Variants in ZHX2 observed in about 807,000 individuals in gnomAD.
ZHX2 encodes zinc fingers and homeoboxes protein 2.
ZHX2 carries 6 observed loss-of-function variants against 21.9 expected under a neutral mutation model. The observed-to-expected ratio is 0.27, with a 90% CI of 0.15 to 0.54. The LOEUF (loss-of-function observed/expected upper bound fraction) is 0.54. Among genes scored for constraint, ZHX2 ranks in the 20% least tolerant of loss-of-function variants. The pLI, the probability that ZHX2 is intolerant of heterozygous loss-of-function variation, is 0.95. For synonymous variants in ZHX2, 434 were observed against 437.1 expected, an observed-to-expected ratio of 0.99 and a Z score of 0.09; for missense variants, 908 against 1,090.7, an observed-to-expected ratio of 0.83 and a Z score of 2.36.
chr8:122,856,999 G>A (rs945988559), intron 1 of ZHX2, among the ~76,000 whole-genome samples: 4 of 152,136 alleles, frequency 2.6e-5, no homozygotes, highest in Admixed American at 1.3e-4. Flanking sequence ...CACCCTGACA[G>A]CTGCCAGTCT....
chr8:122,856,255 T>C (rs974519693), intron 1 of ZHX2, among the ~76,000 whole-genome samples: 1 of 152,126 alleles, frequency 6.6e-6, no homozygotes. Context: ...CTAAAGAAAG[T>C]GGTTTCAAAT....
At chr8:122,959,731 G>T (rs937453809) in intron 3 of ZHX2, among the ~76,000 whole-genome samples, 1 of 152,206 alleles carries the variant, frequency 6.6e-6, no homozygotes, top group Non-Finnish European at 1.5e-5. Context: ...AGAAAGGCCT[G>T]TTGGAGAATC....
chr8:122,950,823 G>A (rs1813091951), intron 2 of ZHX2, among the ~76,000 whole-genome samples: 2 of 151,450 alleles, frequency 1.3e-5, no homozygotes, highest in Admixed American at 6.6e-5. Flanking sequence ...ATACTTTTCT[G>A]CATTTTCTGG....
chr8:122,941,278 G>A (rs1379972011), intron 2 of ZHX2, among the ~76,000 whole-genome samples: 1 of 152,258 alleles, frequency 6.6e-6, no homozygotes, highest in South Asian at 2.1e-4. Flanking sequence ...GATTGTGCAT[G>A]TAAACAACAT....
In ZHX2 at chr8:122,863,563, T is replaced by G. The variant is rs1819218035; in HGVS notation, c.-220+24T>G. ...CGGTGAGTACCGTCGCGTTTGGCAG[T>G]GTGGGGCCTAGGCTGGATTTCAACA... is the stretch of plus-strand genomic sequence containing the variant. On this transcript the variant is annotated intron_variant, in intron 2 of 3. Coordinates refer to ENST00000314393, the MANE Select transcript of ZHX2 (RefSeq NM_014943.5). 6.5e-6 allele frequency: 1 copy of G among 152,860 alleles called. No homozygotes were observed. The highest frequency in any genetic ancestry group is 1.5e-5 in the Non-Finnish European group (1 of 68,154). The allele number at this position is 152,860 out of a possible 1,614,324, so 9.5% of individuals were successfully genotyped here.
chr8:122,904,289 A>G (rs1820297327), intron 2 of ZHX2, among the ~76,000 whole-genome samples: 1 of 152,164 alleles, frequency 6.6e-6, no homozygotes, highest in African/African-American at 2.4e-5. Flanking sequence ...GTCACAGAAA[A>G]AACTGTGGTC....
chr8:122,780,399 G>A (rs1391475556), upstream of ZHX2: 1 of 152,368 alleles, frequency 6.6e-6, no homozygotes, highest in Admixed American at 6.5e-5. Flanking sequence ...TGCGCTCGAA[G>A]CTTCTAAACT....
chr8:122,923,849 T>C (rs1159446131), intron 2 of ZHX2, among the ~76,000 whole-genome samples: 1 of 152,232 alleles, frequency 6.6e-6, no homozygotes, highest in East Asian at 1.9e-4. Flanking sequence ...ATGGGTATGC[T>C]CTCTGACAGA....
chr8:122,835,714 GAGA>G (rs577769105), intron 1 of ZHX2, among the ~76,000 whole-genome samples: 3 of 152,340 alleles, frequency 2.0e-5, no homozygotes, highest in African/African-American at 7.2e-5. Flanking sequence ...GGCAAGAATG[GAGA>G]AGGATTTGAA....
chr8:122,810,212 T>C (rs756188089), intron 1 of ZHX2, among the ~76,000 whole-genome samples: 56 of 152,372 alleles, frequency 3.7e-4, no homozygotes, highest in Non-Finnish European at 7.3e-4. Context: ...CAGCCACTTA[T>C]GAGCTGCAGT....
chr8:122,952,824 C>T lies in ZHX2; in HGVS notation c.1314C>T (p.Leu438=). 6.2e-7 allele frequency: 1 copy of T among 1,614,178 alleles called. No homozygotes were observed. The change falls in exon 3 of 4, where the codon CTC becomes CTT. Residue 438 remains leucine (L), a synonymous_variant. Coordinates refer to ENST00000314393, the MANE Select transcript of ZHX2 (RefSeq NM_014943.5). The surrounding 1 kb of genome is among the most constrained non-coding windows in gnomAD (Gnocchi z 6.9). ...EPPPKVANPP[L]TPASDRKKTK... ...CACCCAAGGTGGCCAACCCCCCGCT[C>T]ACACCAGCCAGTGACCGCAAGAAGA...
At chr8:122,827,662 G>A (rs911241320) in intron 1 of ZHX2, among the ~76,000 whole-genome samples, 1 of 152,232 alleles carries the variant, frequency 6.6e-6, no homozygotes, top group Non-Finnish European at 1.5e-5. Context: ...TCTTTAGGGG[G>A]TGAAAAAGGA....
At chr8:122,837,029 TC>T (rs1265226547) in intron 1 of ZHX2, among the ~76,000 whole-genome samples, 1 of 152,040 alleles carries the variant, frequency 6.6e-6, no homozygotes, top group East Asian at 1.9e-4. Flanking sequence ...AGAGTGACCC[TC>T]TGGTCATCCT....
chr8:122,789,761 C>T (rs143171451), intron 1 of ZHX2, among the ~76,000 whole-genome samples: 91 of 152,320 alleles, frequency 6.0e-4, no homozygotes, highest in African/African-American at 2.0e-3. Flanking sequence ...AGGATTGAAG[C>T]GCCAGCTCTC....
chr8:122,905,578 AAAG>A (rs1820327930), intron 2 of ZHX2, among the ~76,000 whole-genome samples: 2 of 152,246 alleles, frequency 1.3e-5, no homozygotes, highest in South Asian at 4.1e-4. Flanking sequence ...ATCAGGAAGG[AAAG>A]AAGAATATGA....
chr8:122,785,687 G>A (rs981979849), intron 1 of ZHX2, among the ~76,000 whole-genome samples: 15 of 152,288 alleles, frequency 9.8e-5, no homozygotes, highest in African/African-American at 2.6e-4. Flanking sequence ...TAAGGCAGAC[G>A]GGGTGAAAGG....
At chr8:122,889,472 T>C (rs912868780) in intron 2 of ZHX2, among the ~76,000 whole-genome samples, 1 of 152,256 alleles carries the variant, frequency 6.6e-6, no homozygotes, top group African/African-American at 2.4e-5. Context: ...ATTTCCCTAA[T>C]GATTCACGAT....
chr8:122,913,241 G>T (rs1328092540), intron 2 of ZHX2, among the ~76,000 whole-genome samples: 2 of 152,194 alleles, frequency 1.3e-5, no homozygotes, highest in Non-Finnish European at 2.9e-5. Context: ...AGATTCCATT[G>T]TATGGGTAAG....
chr8:122,971,982 G>A (rs1163114485), intron 3 of ZHX2, among the ~76,000 whole-genome samples: 1 of 152,218 alleles, frequency 6.6e-6, no homozygotes. Flanking sequence ...CTGTGCAGGA[G>A]TCTGTTCTGT....
Sources: gnomAD v4.1 joint callset for allele counts (sites outside exome capture counted in the v4.1 genomes callset) on GRCh38, gnomAD v4.1.1 for gene constraint, Gnocchi (gnomAD v3.1) non-coding constraint, MANE v1.5 for transcripts, NCBI Gene and HGNC (gene_info 2026-07-23, HGNC 2026-07-21) for gene names.